Variants in OTUD7A observed in about 807,000 individuals in gnomAD.
OTUD7A encodes OTU deubiquitinase 7A.
A neutral mutation model predicts 65.7 loss-of-function variants in OTUD7A; 12 were observed. The ratio of observed to expected loss-of-function variants is 0.18; its 90% CI spans 0.12 to 0.30. The LOEUF is 0.30. Ranked by LOEUF, OTUD7A falls within the 10% of genes least tolerant of loss-of-function variation. OTUD7A has a pLI of 1.00. For synonymous variants in OTUD7A, 641 were observed against 586.3 expected (o/e 1.09, Z -1.35); for missense variants, 1,148 against 1,304.8 (o/e 0.88, Z 1.85).
chr15:31,722,385 T>C (rs1429533563), intron 1 of OTUD7A, among the ~76,000 whole-genome samples: 1 of 152,224 alleles, frequency 6.6e-6, no homozygotes, highest in African/African-American at 2.4e-5. Flanking sequence ...TAGATATTCA[T>C]GGATCTCTCA....
At chr15:31,622,379 G>A (rs12914867) in intron 3 of OTUD7A, among the ~76,000 whole-genome samples, 2 of 151,876 alleles carry the variant, frequency 1.3e-5, no homozygotes, top group Non-Finnish European at 2.9e-5. Context: ...GGTTCCATTC[G>A]CCCCCTCACT....
chr15:31,771,606 A>G (rs1895236307), intron 1 of OTUD7A, among the ~76,000 whole-genome samples: 1 of 152,198 alleles, frequency 6.6e-6, no homozygotes, highest in South Asian at 2.1e-4. Flanking sequence ...AATGAATGCA[A>G]CAGCCACCAC....
chr15:31,520,098 A>G (rs2041917591), intron 8 of OTUD7A, among the ~76,000 whole-genome samples: 1 of 152,224 alleles, frequency 6.6e-6, no homozygotes, highest in Admixed American at 6.5e-5. Flanking sequence ...TACAATCCCT[A>G]TCAAGTTACC....
intron 8 of OTUD7A, among the ~76,000 whole-genome samples, chr15:31,505,886 A>G (rs2041554795): frequency 6.6e-6 from 1 of 151,740 alleles, no homozygotes; most frequent in Admixed American, 6.6e-5. Flanking sequence ...GGTAGCTGGG[A>G]CTACAGGCGC....
rs2041020811 is a variant in OTUD7A at position 31,476,466 on chromosome 15, A to C, written c.*6828T>G. ...TGGGAGACCTTCACGGACACCTGCCATGGAGAAAGTTTGCATGGGCCAAGG... is the reference window on the plus strand; with the variant it reads ...TGGGAGACCTTCACGGACACCTGCCCTGGAGAAAGTTTGCATGGGCCAAGG... On this transcript the variant is annotated 3_prime_UTR_variant, in exon 13 of 13. Transcript: ENST00000307050. 1 of 152,344 alleles carries C rather than the reference A, an allele frequency of 6.6e-6. No individual in the cohort carries two copies. Among genetic ancestry groups the C allele is most frequent in the South Asian group, 2.1e-4 (1 of 4,840 alleles). The allele number at this position is 152,344 out of a possible 1,614,324, so 9.4% of individuals were successfully genotyped here.
chr15:31,559,069 T>C lies in OTUD7A; in HGVS notation c.450A>G (p.Thr150=), dbSNP rs1323358156. The C allele has an allele frequency of 6.2e-7, 1 of 1,614,188 alleles. No homozygotes were observed. The highest frequency in any genetic ancestry group is 8.5e-7 in the Non-Finnish European group (1 of 1,180,046). ...EQFPLEMPIY[T]FQLPDLSVYS... Reference sequence around the variant, plus strand: ...ACACGCTCAGGTCTGGCAACTGGAATGTGTAGATTGGCATCTCCAGGGGGA... The same window carrying C: ...ACACGCTCAGGTCTGGCAACTGGAACGTGTAGATTGGCATCTCCAGGGGGA... Residue 150 remains threonine (T), a synonymous_variant, in exon 5 of 13, where the codon ACA becomes ACG. Transcript: ENST00000307050.
At chr15:31,608,514 A>T (rs1290129494) in intron 3 of OTUD7A, among the ~76,000 whole-genome samples, 1 of 152,232 alleles carries the variant, frequency 6.6e-6, no homozygotes, top group Non-Finnish European at 1.5e-5. Context: ...GACCATACAC[A>T]TAAGCATGGG....
chr15:31,612,009 T>C (rs1890438828), intron 3 of OTUD7A, among the ~76,000 whole-genome samples: 1 of 152,226 alleles, frequency 6.6e-6, no homozygotes. Flanking sequence ...TGCAAGTTGA[T>C]AAATGTGATA....
At chr15:31,662,712 C>A (rs1892199478) in intron 1 of OTUD7A, among the ~76,000 whole-genome samples, 1 of 152,196 alleles carries the variant, frequency 6.6e-6, no homozygotes, top group Non-Finnish European at 1.5e-5. Context: ...GTTTACAGGA[C>A]TTCTTGGACA....
intron 3 of OTUD7A, among the ~76,000 whole-genome samples, chr15:31,589,734 A>G (rs1889662657): frequency 6.6e-6 from 1 of 152,112 alleles, no homozygotes; most frequent in South Asian, 2.1e-4. Context: ...TTTTTAATGA[A>G]TATGCAGACA....
At chr15:31,662,526 A>C (rs945222891) in intron 1 of OTUD7A, among the ~76,000 whole-genome samples, 10 of 152,230 alleles carry the variant, frequency 6.6e-5, no homozygotes, top group Admixed American at 2.6e-4. Context: ...TAGCTGATAG[A>C]GTCTTTTCTA....
intron 3 of OTUD7A, among the ~76,000 whole-genome samples, chr15:31,612,193 A>G (rs1418638307): frequency 2.0e-5 from 3 of 152,214 alleles, no homozygotes; most frequent in Admixed American, 6.5e-5. Flanking sequence ...CCAACATAAT[A>G]CTGAATGGGA....
At position 31,811,902 on chromosome 15, in the gene OTUD7A, C is replaced by T. The variant is rs371726038; in HGVS notation, c.-100+58605G>A. 2.2e-4 allele frequency among the ~76,000 whole-genome samples: 33 copies of T among 152,342 alleles called. No individual in the cohort carries two copies. In the East Asian group the frequency reaches 5.6e-3, roughly 26 times the overall value. On this transcript the variant is annotated intron_variant, in intron 1 of 12. Coordinates refer to ENST00000307050, the MANE Select transcript of OTUD7A (RefSeq NM_001382637.1). ...GCAACAGTGAGCATTCACTCACTCG[C>T]TCACTCTGCACAGCGGGAGGGGTCA...
At chr15:31,763,396 T>TA (rs1895022276) in intron 1 of OTUD7A, among the ~76,000 whole-genome samples, 1 of 152,130 alleles carries the variant, frequency 6.6e-6, no homozygotes, top group Non-Finnish European at 1.5e-5. Context: ...AGCTGACATG[T>TA]AAAAAATGTT....
At chr15:31,534,810 A>G (rs1366338522) in intron 5 of OTUD7A, among the ~76,000 whole-genome samples, 2 of 152,206 alleles carry the variant, frequency 1.3e-5, no homozygotes, top group Non-Finnish European at 2.9e-5. Context: ...ATCTGTGTAT[A>G]CTGAAGTCTG....
In OTUD7A at chr15:31,490,174, A is replaced by G. The variant is rs142256786; in HGVS notation, c.1172-2608T>C. On this transcript the variant is annotated intron_variant, in intron 10 of 12. Transcript: ENST00000307050. Reference sequence around the variant, plus strand: ...CAACTGTACACCCTGACATTTCCCTATTGGAAACCTGGCTTTACCAGTGAG... The same window carrying G: ...CAACTGTACACCCTGACATTTCCCTGTTGGAAACCTGGCTTTACCAGTGAG... 3.2e-3 allele frequency among the ~76,000 whole-genome samples: 481 copies of G among 152,276 alleles called. 2 individuals are homozygous for G. Among genetic ancestry groups the G allele is most frequent in the African/African-American group, 0.01 (435 of 41,568 alleles).
At chr15:31,610,617 A>ATTTTTTTTTTTTTTTTT (rs58099939) in intron 3 of OTUD7A, among the ~76,000 whole-genome samples, 11 of 30,562 alleles carry the variant, frequency 3.6e-4, no homozygotes, top group Middle Eastern at 0.05. Flanking sequence ...ATATATATAT[A>ATTTTTTTTTTTTTTTTT]TTTTTTTTTT....
At chr15:31,740,716 T>C (rs1183282088) in intron 1 of OTUD7A, among the ~76,000 whole-genome samples, 1 of 152,164 alleles carries the variant, frequency 6.6e-6, no homozygotes, top group Non-Finnish European at 1.5e-5. Flanking sequence ...TTAAATTAAA[T>C]GTAAAGAGAC....
intron 5 of OTUD7A, among the ~76,000 whole-genome samples, chr15:31,549,299 T>A (rs944159400): frequency 6.6e-6 from 1 of 152,198 alleles, no homozygotes; most frequent in Non-Finnish European, 1.5e-5. Flanking sequence ...ATTTAATCTC[T>A]CATTCTGGAT....
Sources: gnomAD v4.1 joint callset for allele counts (sites outside exome capture counted in the v4.1 genomes callset) on GRCh38, gnomAD v4.1.1 for gene constraint, MANE v1.5 for transcripts, NCBI Gene and HGNC (gene_info 2026-07-23, HGNC 2026-07-21) for gene names.